ITPR1: variants seen among roughly 807,000 people sequenced by gnomAD.
ITPR1 encodes the protein inositol 1,4,5-trisphosphate receptor type 1.
ITPR1 carries 96 observed loss-of-function variants against 318.4 expected under a neutral mutation model. The ratio of observed to expected loss-of-function variants is 0.30; its 90% CI spans 0.26 to 0.36. The LOEUF (loss-of-function observed/expected upper bound fraction) is 0.36, where lower values mean the gene tolerates loss of function less well. Among genes scored for constraint, ITPR1 ranks in the 10% least tolerant of loss-of-function variants. ITPR1 has a pLI of 1.00. For synonymous variants in ITPR1, 1,312 were observed against 1,289.9 expected, an observed-to-expected ratio of 1.02 and a Z score of -0.37; for missense variants, 2,440 against 3,460.2, an observed-to-expected ratio of 0.71 and a Z score of 7.40.
rs551286970 is a variant in ITPR1, at chr3:4,502,767, C to A, written c.-17+8261C>A. Among the ~76,000 whole-genome samples, 55 of 151,976 alleles carry A rather than the reference C, an allele frequency of 3.6e-4. 1 individual carries two copies. The highest frequency in any genetic ancestry group is 7.2e-4 in the Non-Finnish European group (49 of 67,974). On this transcript the variant is annotated intron_variant, in intron 2 of 61. Transcript: ENST00000649015. ...GTACCCCTCTCCTGATTAAATATTTCTTGAACTGGCATCTTTCTTTGAAAA... is the reference window on the plus strand; with the variant it reads ...GTACCCCTCTCCTGATTAAATATTTATTGAACTGGCATCTTTCTTTGAAAA...
chr3:4,779,855 T>C lies in ITPR1; in HGVS notation c.6387+210T>C, dbSNP rs537588068. ...TCGCGGTTTTTGCTATTACTTTCAATGGCAAAACCACTATTACTTTTGCCG... is the reference window on the plus strand; with the variant it reads ...TCGCGGTTTTTGCTATTACTTTCAACGGCAAAACCACTATTACTTTTGCCG... On this transcript the variant is annotated intron_variant, in intron 49 of 61. Transcript: ENST00000649015. This position sits in a 1 kb window ranked among gnomAD's most constrained non-coding sequence, Gnocchi z 4.0. 6.8e-6 allele frequency among the ~76,000 whole-genome samples: 1 copy of C among 147,852 alleles called. No individual in the cohort carries two copies. The highest frequency in any genetic ancestry group is 2.4e-4 in the South Asian group (1 of 4,150).
At chr3:4,810,093 A>G (rs1190884387) in intron 55 of ITPR1, among the ~76,000 whole-genome samples, 1 of 152,172 alleles carries the variant, frequency 6.6e-6, no homozygotes, top group Non-Finnish European at 1.5e-5. Flanking sequence ...CAGTCCACTT[A>G]TTTTACAGAT....
intron 44 of ITPR1, among the ~76,000 whole-genome samples, chr3:4,757,991 T>C (rs771551867): frequency 4.3e-4 from 65 of 152,090 alleles, no homozygotes; most frequent in Non-Finnish European, 6.9e-4. Context: ...AGAGTTGATG[T>C]GAAAAGAGAA....
chr3:4,836,096 G>A (rs920880127), intron 60 of ITPR1, among the ~76,000 whole-genome samples: 1 of 152,178 alleles, frequency 6.6e-6, no homozygotes, highest in Non-Finnish European at 1.5e-5. Flanking sequence ...TCTGTTAAGT[G>A]ACAGAACACC....
chr3:4,756,573 C>T (rs568032151), intron 44 of ITPR1, among the ~76,000 whole-genome samples: 111 of 152,198 alleles, frequency 7.3e-4, no homozygotes, highest in Middle Eastern at 3.4e-3. Flanking sequence ...TACGCCAGAA[C>T]GTGCAGTATT....
At chr3:4,649,426 G>A (rs1209916607) in intron 10 of ITPR1, among the ~76,000 whole-genome samples, 2 of 152,152 alleles carry the variant, frequency 1.3e-5, no homozygotes, top group South Asian at 4.1e-4. Flanking sequence ...GTAGTAATGA[G>A]CCAGGGTTTA....
chr3:4,825,668 G>A (rs1457776796), intron 60 of ITPR1: 1 of 453,540 alleles, frequency 2.2e-6, no homozygotes, highest in Non-Finnish European at 4.4e-6. Flanking sequence ...TGTTAACAAG[G>A]GCAAAAGATC....
chr3:4,801,937 C>T (rs926456449), intron 54 of ITPR1, among the ~76,000 whole-genome samples: 1 of 152,176 alleles, frequency 6.6e-6, no homozygotes, highest in African/African-American at 2.4e-5. Context: ...TAAAGAGTTT[C>T]ACCTCATTCG....
intron 52 of ITPR1, among the ~76,000 whole-genome samples, chr3:4,790,122 C>T (rs954784304): frequency 3.3e-5 from 5 of 152,174 alleles, no homozygotes; most frequent in African/African-American, 1.2e-4. Flanking sequence ...AAAAGGTTTT[C>T]ACCTTTTCTG....
chr3:4,788,660 C>T (rs1254664149), intron 52 of ITPR1, among the ~76,000 whole-genome samples: 1 of 152,188 alleles, frequency 6.6e-6, no homozygotes, highest in East Asian at 1.9e-4. Flanking sequence ...ATTGAGTATC[C>T]CAGCCAGTCA....
chr3:4,591,244 G>T (rs1474307861), intron 4 of ITPR1, among the ~76,000 whole-genome samples: 2 of 152,178 alleles, frequency 1.3e-5, no homozygotes, highest in African/African-American at 4.8e-5. Flanking sequence ...TGTATACTCA[G>T]TCATGGGATT....
intron 4 of ITPR1, among the ~76,000 whole-genome samples, chr3:4,545,828 G>A (rs1204005634): frequency 6.6e-6 from 1 of 151,110 alleles, no homozygotes; most frequent in Non-Finnish European, 1.5e-5. Context: ...CTCCTGAGTA[G>A]TCAGGACTAT....
At chr3:4,638,300 T>C (rs1044927539) in intron 5 of ITPR1, among the ~76,000 whole-genome samples, 4 of 152,214 alleles carry the variant, frequency 2.6e-5, no homozygotes, top group Admixed American at 6.5e-5. Context: ...TTCTCAGTTA[T>C]TTTACTTCCC....
intron 40 of ITPR1, among the ~76,000 whole-genome samples, chr3:4,724,787 G>A (rs916053589): frequency 1.3e-5 from 2 of 152,190 alleles, no homozygotes; most frequent in South Asian, 2.1e-4. Flanking sequence ...ATGTCCTTTC[G>A]AGGCATCCTT....
At chr3:4,576,286 A>G (rs2088647790) in intron 4 of ITPR1, among the ~76,000 whole-genome samples, 1 of 152,232 alleles carries the variant, frequency 6.6e-6, no homozygotes, top group Non-Finnish European at 1.5e-5. Flanking sequence ...TGGTCTTTGG[A>G]CAAATAGGTT....
At chr3:4,814,735 G>A in intron 58 of ITPR1, 173 bp downstream of exon 58, 1 of 669,016 alleles carries the variant, frequency 1.5e-6, no homozygotes, top group Non-Finnish European at 2.5e-6. Context: ...CACGTGAGGT[G>A]GTGCCGCAAA....
intron 4 of ITPR1, among the ~76,000 whole-genome samples, chr3:4,533,027 G>A (rs1410173282): frequency 2.0e-5 from 3 of 152,176 alleles, no homozygotes; most frequent in Admixed American, 1.3e-4. Context: ...TTTTCCCACC[G>A]AAGGACCCAG....
chr3:4,695,573 C>T (rs1387381303), intron 33 of ITPR1, among the ~76,000 whole-genome samples: 1 of 152,172 alleles, frequency 6.6e-6, no homozygotes, highest in African/African-American at 2.4e-5. Context: ...AGGGCTGTCT[C>T]CTGAGGGTAA....
At chr3:4,739,757 G>A (rs768711607) in intron 44 of ITPR1, among the ~76,000 whole-genome samples, 1 of 152,220 alleles carries the variant, frequency 6.6e-6, no homozygotes, top group Non-Finnish European at 1.5e-5. Flanking sequence ...GCTCAGCTGG[G>A]TGGTTCTTTT....
Sources: allele counts gnomAD v4.1 joint callset (sites outside exome capture counted in the v4.1 genomes callset), GRCh38; gene constraint gnomAD v4.1.1; non-coding constraint Gnocchi (gnomAD v3.1); transcripts MANE v1.5; gene names NCBI Gene and HGNC (gene_info 2026-07-23, HGNC 2026-07-21).